Variants in PDS5A observed in about 807,000 individuals in gnomAD.
PDS5A encodes the protein sister chromatid cohesion protein PDS5 homolog A.
Under a neutral mutation model 167.1 loss-of-function variants are expected in PDS5A, and 42 were observed. The ratio of observed to expected loss-of-function variants is 0.25; its 90% CI spans 0.20 to 0.33. The LOEUF (loss-of-function observed/expected upper bound fraction) is 0.33. Among genes scored for constraint, PDS5A ranks in the 10% least tolerant of loss-of-function variants. PDS5A has a pLI of 1.00. For missense variants in PDS5A, 1,033 were observed against 1,605.9 expected (o/e 0.64, Z 6.10); for synonymous variants, 553 against 554.6 (o/e 1.00, Z 0.04).
chr4:39,942,678 G>A (rs1727338827), intron 2 of PDS5A, among the ~76,000 whole-genome samples: 1 of 152,092 alleles, frequency 6.6e-6, no homozygotes, highest in Non-Finnish European at 1.5e-5. Context: ...CACCTGCCGA[G>A]GCCTCCCAAT....
At position 39,962,387 on chromosome 4, in the gene PDS5A, C is replaced by G. The variant is rs116498391; in HGVS notation, c.138+14053G>C. On this transcript the variant is annotated intron_variant, in intron 2 of 32. Transcript: ENST00000303538. Reference sequence around the variant, plus strand: ...TGAGTTTTTAAGGAAATCTAGAGTTCTTACCCCACTGAACCTCAACATGAC... The same window carrying G: ...TGAGTTTTTAAGGAAATCTAGAGTTGTTACCCCACTGAACCTCAACATGAC... 8.0e-3 allele frequency among the ~76,000 whole-genome samples: 1,213 copies of G among 152,248 alleles called. 16 individuals are homozygous for G. Among genetic ancestry groups the G allele is most frequent in the African/African-American group, 0.027 (1,136 of 41,562 alleles).
chr4:39,952,287 T>C (rs1183165955), intron 2 of PDS5A, among the ~76,000 whole-genome samples: 1 of 152,010 alleles, frequency 6.6e-6, no homozygotes, highest in Non-Finnish European at 1.5e-5. Flanking sequence ...GCTGATATCA[T>C]GCCACTGCAC....
chr4:39,964,910 T>C (rs1729833580), intron 2 of PDS5A, among the ~76,000 whole-genome samples: 1 of 151,998 alleles, frequency 6.6e-6, no homozygotes, highest in African/African-American at 2.4e-5. Context: ...GCCACTGCAC[T>C]CCAGCCTGGG....
intron 2 of PDS5A, among the ~76,000 whole-genome samples, chr4:39,950,784 C>T (rs949095491): frequency 1.3e-5 from 2 of 151,998 alleles, no homozygotes; most frequent in African/African-American, 2.4e-5. Flanking sequence ...GACAGGGTTT[C>T]GCCATGTTGG....
At chr4:39,848,141 C>T (rs1440490420) in intron 28 of PDS5A, 1 of 152,216 alleles carries the variant, frequency 6.6e-6, no homozygotes, top group Non-Finnish European at 1.5e-5. Flanking sequence ...TTCCACGAAA[C>T]TGGTCCCAGG....
intron 2 of PDS5A, among the ~76,000 whole-genome samples, chr4:39,942,372 C>T (rs780891692): frequency 4.6e-5 from 7 of 152,116 alleles, no homozygotes; most frequent in Non-Finnish European, 7.4e-5. Flanking sequence ...CCTAGAATTG[C>T]TTCTGCTCCT....
intron 32 of PDS5A, among the ~76,000 whole-genome samples, chr4:39,835,587 A>G (rs551566510): frequency 2.0e-5 from 3 of 152,088 alleles, no homozygotes; most frequent in Admixed American, 2.0e-4. Flanking sequence ...TAGTGGCCGG[A>G]TCTCGGCTCA....
At chr4:39,868,577 C>T (rs1719749480) in intron 22 of PDS5A, 4 of 442,988 alleles carry the variant, frequency 9.0e-6, no homozygotes, top group Non-Finnish European at 1.8e-5. Context: ...GATCTGCCTG[C>T]CTCAGCCTCC....
At chr4:39,880,716 T>C (rs1027283875) in intron 17 of PDS5A, among the ~76,000 whole-genome samples, 2 of 152,186 alleles carry the variant, frequency 1.3e-5, no homozygotes, top group African/African-American at 4.8e-5. Flanking sequence ...TACACAGTGA[T>C]GTTTCCAGAC....
chr4:39,866,402 C>T (rs1719457618), intron 23 of PDS5A, among the ~76,000 whole-genome samples: 1 of 152,202 alleles, frequency 6.6e-6, no homozygotes, highest in Non-Finnish European at 1.5e-5. Context: ...CAGGCATAGG[C>T]CACCGCGCCT....
At chr4:39,972,843 T>C (rs1730684964) in intron 2 of PDS5A, among the ~76,000 whole-genome samples, 1 of 152,128 alleles carries the variant, frequency 6.6e-6, no homozygotes, top group Admixed American at 6.5e-5. Context: ...TGTACTTTGC[T>C]GAAAATTATT....
chr4:39,976,223 T>A, intron 2 of PDS5A: 1 of 362,092 alleles, frequency 2.8e-6, no homozygotes, highest in Non-Finnish European at 5.0e-6. Context: ...TGAAAACCAG[T>A]AAGTTTTTGA....
chr4:39,846,125 A>G (rs768035691), intron 28 of PDS5A: 1 of 254,976 alleles, frequency 3.9e-6, no homozygotes, highest in Non-Finnish European at 7.2e-6. Context: ...AAATCACACC[A>G]TAAATAAAGC....
chr4:39,888,448 A>G (rs1184108614), intron 17 of PDS5A, among the ~76,000 whole-genome samples: 2 of 152,056 alleles, frequency 1.3e-5, no homozygotes, highest in Non-Finnish European at 2.9e-5. Context: ...TACTGGGTAT[A>G]TATTTTTTAA....
intron 11 of PDS5A, among the ~76,000 whole-genome samples, chr4:39,905,540 AGAGT>A (rs937545790): frequency 6.6e-6 from 1 of 152,204 alleles, no homozygotes. Flanking sequence ...CCTGGGCGAC[AGAGT>A]GAGACTCTGT....
At chr4:39,953,178 C>T (rs1728574599) in intron 2 of PDS5A, among the ~76,000 whole-genome samples, 1 of 152,148 alleles carries the variant, frequency 6.6e-6, no homozygotes, top group South Asian at 2.1e-4. Context: ...TCTTGGAATA[C>T]TTCTACCTTA....
chr4:39,952,016 T>G (rs1018550601), intron 2 of PDS5A, among the ~76,000 whole-genome samples: 133 of 150,720 alleles, frequency 8.8e-4, no homozygotes, highest in African/African-American at 2.9e-3. Flanking sequence ...AGGGTCAAAC[T>G]ATGAATGTGA....
At chr4:39,843,636 G>A (rs1355200699) in intron 30 of PDS5A, among the ~76,000 whole-genome samples, 2 of 152,102 alleles carry the variant, frequency 1.3e-5, no homozygotes, top group Non-Finnish European at 2.9e-5. Context: ...ACCAGGAGGT[G>A]GAGGTTGCCG....
chr4:39,874,452 A>G (rs1720302727), intron 19 of PDS5A, 40 bp from the exon 20 acceptor site: 2 of 1,560,440 alleles, frequency 1.3e-6, no homozygotes, highest in Non-Finnish European at 1.8e-6. Flanking sequence ...TCTTAAACCC[A>G]TAAACCAACA....
Sources: allele counts gnomAD v4.1 joint callset (sites outside exome capture counted in the v4.1 genomes callset), GRCh38; gene constraint gnomAD v4.1.1; transcripts MANE v1.5; gene names NCBI Gene and HGNC (gene_info 2026-07-23, HGNC 2026-07-21).